Variants in CNTNAP2 observed in about 807,000 individuals in gnomAD.
CNTNAP2 encodes contactin associated protein 2.
CNTNAP2 carries 98 observed loss-of-function variants against 155.2 expected under a neutral mutation model. The ratio of observed to expected loss-of-function variants is 0.63; its 90% CI spans 0.54 to 0.75. The LOEUF is 0.75. Ranked by LOEUF, CNTNAP2 falls within the 30% of genes least tolerant of loss-of-function variation. CNTNAP2 has a pLI of 0.00. For synonymous variants in CNTNAP2, 651 were observed against 631.2 expected (o/e 1.03, Z -0.47); for missense variants, 1,727 against 1,688.1 (o/e 1.02, Z -0.40).
chr7:146,865,244 G>T (rs1433070453), intron 3 of CNTNAP2, among the ~76,000 whole-genome samples: 4 of 151,728 alleles, frequency 2.6e-5, no homozygotes, highest in East Asian at 1.9e-4. Context: ...GATACATAAG[G>T]CTTATTAATT....
At chr7:146,662,889 C>G (rs564341228) in intron 1 of CNTNAP2, among the ~76,000 whole-genome samples, 1 of 152,242 alleles carries the variant, frequency 6.6e-6, no homozygotes, top group East Asian at 1.9e-4. Flanking sequence ...ATTTGCGAGT[C>G]TGTATCCAGA....
chr7:147,881,077 C>A (rs958712502), intron 13 of CNTNAP2, among the ~76,000 whole-genome samples: 1 of 152,094 alleles, frequency 6.6e-6, no homozygotes, highest in East Asian at 1.9e-4. Context: ...GGTATTCCTA[C>A]AGACAGAATG....
At chr7:147,595,071 G>C (rs901448852) in intron 12 of CNTNAP2, among the ~76,000 whole-genome samples, 1 of 152,064 alleles carries the variant, frequency 6.6e-6, no homozygotes, top group Non-Finnish European at 1.5e-5. Flanking sequence ...TCTGCTTGGT[G>C]CCCAAATCCA....
rs1454764015 is a variant in CNTNAP2, at chr7:147,541,090, ACTT to A, written c.1778-21044_1778-21042del. ...AAAACTCCATTTATGTTTAACATCT[ACTT>A]CTTTTAAAAATGTATACGATATAGG... On this transcript the variant is annotated intron_variant, in intron 11 of 23. Transcript: ENST00000361727. Among the ~76,000 whole-genome samples the A allele has an allele frequency of 2.6e-5, 4 of 152,364 alleles. No homozygotes were observed. In the East Asian group the frequency reaches 7.7e-4, roughly 29 times the overall value.
chr7:146,812,741 T>C (rs1169833171), intron 2 of CNTNAP2, among the ~76,000 whole-genome samples: 1 of 152,090 alleles, frequency 6.6e-6, no homozygotes, highest in Non-Finnish European at 1.5e-5. Flanking sequence ...GGGGAAAATA[T>C]ATCTAGAACA....
intron 1 of CNTNAP2, among the ~76,000 whole-genome samples, chr7:146,717,348 TAA>T (rs35996896): frequency 0.083 from 9,922 of 119,272 alleles, 928 homozygotes; most frequent in African/African-American, 0.23. Flanking sequence ...ACTAAAAAAT[TAA>T]AAAAAAAAAA....
intron 11 of CNTNAP2, among the ~76,000 whole-genome samples, chr7:147,488,042 T>G (rs998219883): frequency 1.2e-5 from 1 of 84,068 alleles, no homozygotes; most frequent in African/African-American, 6.3e-5. Context: ...CAAGAGAGGG[T>G]TGGCTGGTGA....
At chr7:148,170,517 T>C (rs535147931) in intron 17 of CNTNAP2, among the ~76,000 whole-genome samples, 1 of 152,352 alleles carries the variant, frequency 6.6e-6, no homozygotes, top group East Asian at 1.9e-4. Flanking sequence ...TTCAAAGTAG[T>C]TGTTTTTAAT....
At chr7:147,709,803 T>C (rs868161917) in intron 13 of CNTNAP2, among the ~76,000 whole-genome samples, 3 of 152,202 alleles carry the variant, frequency 2.0e-5, no homozygotes, top group Admixed American at 1.3e-4. Context: ...AGCACATAAG[T>C]AATCTTTCTT....
intron 9 of CNTNAP2, among the ~76,000 whole-genome samples, chr7:147,361,337 TATA>T (rs1180653824): frequency 2.6e-5 from 4 of 152,230 alleles, no homozygotes; most frequent in Admixed American, 2.6e-4. Flanking sequence ...ACACTAATAA[TATA>T]ATGTTAGGTT....
chr7:146,808,165 T>A (rs1339084205), intron 2 of CNTNAP2, among the ~76,000 whole-genome samples: 3 of 152,204 alleles, frequency 2.0e-5, no homozygotes, highest in Non-Finnish European at 2.9e-5. Flanking sequence ...AATTTATTCA[T>A]TGAAGCATAC....
At chr7:147,489,151 T>C (rs529840805) in intron 11 of CNTNAP2, among the ~76,000 whole-genome samples, 82 of 152,362 alleles carry the variant, frequency 5.4e-4, no homozygotes, top group Middle Eastern at 3.4e-3. Flanking sequence ...TTGAAGAGTA[T>C]GCCTCCTAAA....
intron 13 of CNTNAP2, among the ~76,000 whole-genome samples, chr7:147,779,368 A>G (rs1348412948): frequency 1.3e-5 from 2 of 152,222 alleles, no homozygotes; most frequent in East Asian, 1.9e-4. Context: ...CTTGTATGCC[A>G]CACAAGACCA....
intron 3 of CNTNAP2, among the ~76,000 whole-genome samples, chr7:146,946,254 A>G (rs922748695): frequency 6.6e-6 from 1 of 152,090 alleles, no homozygotes; most frequent in Non-Finnish European, 1.5e-5. Context: ...TAAATCTACC[A>G]GACTAAGGAA....
intron 12 of CNTNAP2, among the ~76,000 whole-genome samples, chr7:147,574,265 C>G (rs918055975): frequency 6.6e-6 from 1 of 151,942 alleles, no homozygotes; most frequent in Non-Finnish European, 1.5e-5. Flanking sequence ...TTAGTTTTCT[C>G]CAAGTTACTT....
chr7:147,496,405 G>T (rs1009075193), intron 11 of CNTNAP2, among the ~76,000 whole-genome samples: 25 of 152,138 alleles, frequency 1.6e-4, no homozygotes, highest in African/African-American at 5.6e-4. Context: ...TGCTGAAAAT[G>T]CTTACAGTGC....
At chr7:146,503,767 G>A (rs1460783620) in intron 1 of CNTNAP2, among the ~76,000 whole-genome samples, 1 of 152,042 alleles carries the variant, frequency 6.6e-6, no homozygotes, top group African/African-American at 2.4e-5. Context: ...TTATTTCTGG[G>A]TTCTCTATTC....
chr7:146,449,437 A>G (rs1404763198), intron 1 of CNTNAP2, among the ~76,000 whole-genome samples: 1 of 152,144 alleles, frequency 6.6e-6, no homozygotes, highest in Non-Finnish European at 1.5e-5. Context: ...AGAAAATCCA[A>G]GGAATTCACT....
rs966258438 is a variant in CNTNAP2 at position 147,606,951 on chromosome 7, A to C, written c.1898-32155A>C. 2.0e-5 allele frequency among the ~76,000 whole-genome samples: 3 copies of C among 152,086 alleles called. No homozygotes were observed. In the South Asian group the frequency reaches 6.2e-4, roughly 32 times the overall value. ...AGAGAATTTTTTTTTTAATGAGTGA[A>C]ATCACCAAATGCATTTGTACTTTTG... On this transcript the variant is annotated intron_variant, in intron 12 of 23. Transcript: ENST00000361727.
Sources: gnomAD v4.1 joint callset for allele counts (sites outside exome capture counted in the v4.1 genomes callset) on GRCh38, gnomAD v4.1.1 for gene constraint, MANE v1.5 for transcripts, NCBI Gene and HGNC (gene_info 2026-07-23, HGNC 2026-07-21) for gene names.